Variants in ITPKB observed in about 807,000 individuals in gnomAD.
The protein encoded by ITPKB is IP3 3-kinase B.
In ITPKB, 13 loss-of-function variants were observed where a neutral mutation model predicts 69.4. That is an observed-to-expected ratio of 0.19 (90% CI 0.12 to 0.30). The LOEUF (loss-of-function observed/expected upper bound fraction) is 0.30, where lower values mean the gene tolerates loss of function less well. ITPKB is among the 10% of genes least tolerant of loss of function. ITPKB has a pLI of 1.00. For synonymous variants in ITPKB, 584 were observed against 513.7 expected, an observed-to-expected ratio of 1.14 and a Z score of -1.85; for missense variants, 1,240 against 1,250.5, an observed-to-expected ratio of 0.99 and a Z score of 0.13.
intron 4 of ITPKB, among the ~76,000 whole-genome samples, chr1:226,643,247 G>A (rs883507): frequency 0.4 from 60,172 of 151,892 alleles, 13,176 homozygotes; most frequent in East Asian, 0.59. Flanking sequence ...GCCGGGACAC[G>A]CCACCTCCCC....
rs1668850518 is a variant in ITPKB at position 226,636,855 on chromosome 1, A to C, written c.2625+824T>G. Among the ~76,000 whole-genome samples, 3 of 151,906 alleles carry C rather than the reference A, an allele frequency of 2.0e-5. 1 individual carries two copies. In the South Asian group the frequency reaches 6.2e-4, roughly 32 times the overall value. ...GGTGTGCACACAAAAATGTGTGTGGATATATGAATACATGTGTGTGTTTGT... is the reference window on the plus strand; with the variant it reads ...GGTGTGCACACAAAAATGTGTGTGGCTATATGAATACATGTGTGTGTTTGT... On this transcript the variant is annotated intron_variant, in intron 7 of 7. Coordinates refer to ENST00000429204, the MANE Select transcript of ITPKB (RefSeq NM_002221.4).
At position 226,637,595 on chromosome 1, in the gene ITPKB, T is replaced by C. The variant is rs1255347437; in HGVS notation, c.2625+84A>G. The C allele has an allele frequency of 9.2e-7, 1 of 1,090,114 alleles. No homozygotes were observed. The allele number at this position is 1,090,114 out of a possible 1,614,324, so 67.5% of individuals were successfully genotyped here. ...GCTGCACCACCCTGAAAATGCCCGATGCCCCGGGCTTCTGGAAGGAGAAGG... is the reference window on the plus strand; with the variant it reads ...GCTGCACCACCCTGAAAATGCCCGACGCCCCGGGCTTCTGGAAGGAGAAGG... On this transcript the variant is annotated intron_variant, in intron 7 of 7. Transcript: ENST00000429204. This position sits in a 1 kb window ranked among gnomAD's most constrained non-coding sequence, Gnocchi z 4.3.
intron 2 of ITPKB, among the ~76,000 whole-genome samples, chr1:226,719,147 C>T (rs1255968933): frequency 2.0e-5 from 3 of 152,202 alleles, no homozygotes; most frequent in Non-Finnish European, 2.9e-5. Flanking sequence ...GTTGTGGTGG[C>T]GTACGCCTGT....
At chr1:226,684,350 C>A (rs750870878) in intron 2 of ITPKB, among the ~76,000 whole-genome samples, 7 of 152,218 alleles carry the variant, frequency 4.6e-5, no homozygotes, top group Non-Finnish European at 8.8e-5. Flanking sequence ...GAGACCAGCA[C>A]CAGCCAGGGA....
At chr1:226,721,794 C>CT (rs1288721485) in intron 2 of ITPKB, among the ~76,000 whole-genome samples, 1 of 151,036 alleles carries the variant, frequency 6.6e-6, no homozygotes, top group African/African-American at 2.4e-5. Flanking sequence ...CGCACCTGGC[C>CT]TTTTTTTCTT....
At chr1:226,701,095 C>T (rs1002933181) in intron 2 of ITPKB, among the ~76,000 whole-genome samples, 2 of 152,206 alleles carry the variant, frequency 1.3e-5, no homozygotes, top group Non-Finnish European at 2.9e-5. Flanking sequence ...CTAATGCTAA[C>T]ACACCTCCAG....
chr1:226,678,023 T>A (rs766157199), intron 2 of ITPKB, among the ~76,000 whole-genome samples: 1 of 152,206 alleles, frequency 6.6e-6, no homozygotes, highest in Admixed American at 6.5e-5. Flanking sequence ...CTTGAATACA[T>A]TGAAAACCAT....
intron 2 of ITPKB, among the ~76,000 whole-genome samples, chr1:226,685,164 A>G (rs934900560): frequency 6.6e-6 from 1 of 152,188 alleles, no homozygotes; most frequent in African/African-American, 2.4e-5. Context: ...CTGTCTTCAG[A>G]GCTACCTCCC....
chr1:226,711,503 G>T (rs1007498762), intron 2 of ITPKB, among the ~76,000 whole-genome samples: 1 of 151,480 alleles, frequency 6.6e-6, no homozygotes, highest in Non-Finnish European at 1.5e-5. Flanking sequence ...AGTGCTCCAA[G>T]GCCCAGATGC....
In ITPKB at chr1:226,639,674, C is replaced by A; in HGVS notation, c.2452-16G>T. 6.3e-7 allele frequency: 1 copy of A among 1,576,336 alleles called. No homozygotes were observed. The highest frequency in any genetic ancestry group is 8.7e-7 in the Non-Finnish European group (1 of 1,145,526). ...CGTCTTCTTTCTGAGAAAGAGAACA[C>A]CCCACCCAGGAGGGGGTCAGCAGGG... On this transcript the variant is annotated splice_polypyrimidine_tract_variant and intron_variant, in intron 5 of 7. Transcript: ENST00000429204.
chr1:226,639,901 A>G (rs1668921317), intron 5 of ITPKB, among the ~76,000 whole-genome samples: 1 of 152,184 alleles, frequency 6.6e-6, no homozygotes, highest in Non-Finnish European at 1.5e-5. Flanking sequence ...GCGAGTGAAC[A>G]GTGGTAGGAA....
At chr1:226,714,479 C>T (rs1236527587) in intron 2 of ITPKB, among the ~76,000 whole-genome samples, 2 of 152,166 alleles carry the variant, frequency 1.3e-5, no homozygotes, top group Non-Finnish European at 2.9e-5. Context: ...GCTGCTGTAA[C>T]CCTGGCTTGC....
At chr1:226,702,556 G>C (rs1230990019) in intron 2 of ITPKB, among the ~76,000 whole-genome samples, 5 of 152,190 alleles carry the variant, frequency 3.3e-5, no homozygotes, top group African/African-American at 1.2e-4. Context: ...ACTGGCACTA[G>C]GCCTAGAGAG....
chr1:226,648,490 G>A (rs1244591255), intron 3 of ITPKB, among the ~76,000 whole-genome samples, 182 bp downstream of exon 3: 1 of 152,170 alleles, frequency 6.6e-6, no homozygotes, highest in Non-Finnish European at 1.5e-5. Flanking sequence ...AGAGAGGTCC[G>A]TTGTCTATGG....
At chr1:226,643,211 G>A (rs184941773) in intron 4 of ITPKB, among the ~76,000 whole-genome samples, 67 of 152,110 alleles carry the variant, frequency 4.4e-4, no homozygotes, top group Admixed American at 2.5e-3. Flanking sequence ...TTGAGCAGCC[G>A]GGGGCTGAAT....
chr1:226,704,533 T>C (rs1463032704), intron 2 of ITPKB, among the ~76,000 whole-genome samples: 2 of 152,194 alleles, frequency 1.3e-5, no homozygotes, highest in African/African-American at 4.8e-5. Context: ...CAATGAAAAT[T>C]GTCATTCTGG....
At chr1:226,653,343 C>G (rs1669231421) in intron 2 of ITPKB, among the ~76,000 whole-genome samples, 1 of 152,178 alleles carries the variant, frequency 6.6e-6, no homozygotes. Flanking sequence ...GATGAGGGGA[C>G]AAGAGGCAGA....
At chr1:226,639,199 A>G (rs1668901685) in intron 6 of ITPKB, among the ~76,000 whole-genome samples, 1 of 152,090 alleles carries the variant, frequency 6.6e-6, no homozygotes, top group South Asian at 2.1e-4. Flanking sequence ...CTGGAATTAC[A>G]GGCATGCGCC....
rs1449651016 is a variant in ITPKB, at chr1:226,647,204, C to T, written c.2209G>A (p.Asp737Asn). Residue 737 changes from aspartate (D) to asparagine (N), a missense_variant, in exon 4 of 8, where the codon GAC becomes AAC. By Grantham distance (23) the Asp-to-Asn change is conservative. Coordinates refer to ENST00000429204, the MANE Select transcript of ITPKB (RefSeq NM_002221.4). The stretch of plus-strand genomic sequence containing the variant: ...TTGCAGTCCATCACACAGGGCGAGT[C>T]GAAGTCGGCCAGCAGGTCGTCCATC... The part of the protein sequence containing the change: ...NQMDDLLADF[D>N]SPCVMDCKMG... 7 of 1,614,090 alleles carry T rather than the reference C, an allele frequency of 4.3e-6. No individual in the cohort carries two copies. Among genetic ancestry groups the T allele is most frequent in the South Asian group, 2.2e-5 (2 of 91,088 alleles).
Sources: allele counts gnomAD v4.1 joint callset (sites outside exome capture counted in the v4.1 genomes callset), GRCh38; gene constraint gnomAD v4.1.1; non-coding constraint Gnocchi (gnomAD v3.1); transcripts MANE v1.5; gene names NCBI Gene and HGNC (gene_info 2026-07-23, HGNC 2026-07-21).